E2F7: variants seen among roughly 807,000 people sequenced by gnomAD.
E2F7 encodes the protein transcription factor E2F7.
In E2F7, 35 loss-of-function variants were observed where a neutral mutation model predicts 81.1. The observed-to-expected ratio is 0.43, with a 90% CI of 0.33 to 0.57. The LOEUF (loss-of-function observed/expected upper bound fraction) is 0.57, where lower values mean the gene tolerates loss of function less well. Among genes scored for constraint, E2F7 ranks in the 20% least tolerant of loss-of-function variants. The pLI is 0.04. For synonymous variants in E2F7, 416 were observed against 416.2 expected (o/e 1.00, Z 0.01); for missense variants, 961 against 1,093.7 (o/e 0.88, Z 1.71).
intron 9 of E2F7, among the ~76,000 whole-genome samples, chr12:77,031,257 C>T (rs1447601489): frequency 6.6e-6 from 1 of 151,890 alleles, no homozygotes; most frequent in African/African-American, 2.4e-5. Flanking sequence ...AATGTTTGGG[C>T]CTTTTGTTTG....
chr12:77,030,467 C>T, intron 9 of E2F7, 135 bp from the exon 10 acceptor site: 1 of 1,107,310 alleles, frequency 9.0e-7, no homozygotes, highest in Non-Finnish European at 1.3e-6. Context: ...ACTTGCTGAG[C>T]ACGTGTTAGC....
In E2F7 at chr12:77,046,390, T is replaced by C. The variant is rs1592562423; in HGVS notation, c.539-62A>G. ...ACAAACATTTTTGAAGAGAAGTTCCTTGAGGGCCTGGACTATATCTGTGAA... is the reference window on the plus strand; with the variant it reads ...ACAAACATTTTTGAAGAGAAGTTCCCTGAGGGCCTGGACTATATCTGTGAA... On this transcript the variant is annotated intron_variant, in intron 4 of 12. Transcript: ENST00000322886. 1.3e-5 allele frequency: 20 copies of C among 1,546,458 alleles called. No homozygotes were observed. The East Asian group carries it at 1.8e-4, about 14-fold the overall frequency.
At position 77,043,191 on chromosome 12, in the gene E2F7, G is replaced by A. The variant is rs760841332; in HGVS notation, c.997C>T (p.Arg333Ter). Reference sequence around the variant, plus strand: ...ACATTGGCTATGTCATAGAGGCGTCGTACCTTTGCTTGAAGATATAAAACA... The same window carrying A: ...ACATTGGCTATGTCATAGAGGCGTCATACCTTTGCTTGAAGATATAAAACA... ...PDHSKFKTKV[R>*]RLYDIANVLT... The change falls in exon 7 of 13, where the codon CGA becomes TGA. Residue 333 changes from arginine to a stop codon, truncating the protein, a stop_gained. Coordinates refer to ENST00000322886, the MANE Select transcript of E2F7 (RefSeq NM_203394.3). LOFTEE classifies it high-confidence loss of function. 1 of 1,614,002 alleles carries A rather than the reference G, an allele frequency of 6.2e-7. No homozygotes were observed. The highest frequency in any genetic ancestry group is 1.3e-5 in the African/African-American group (1 of 75,006).
At chr12:77,055,239 A>AT (rs1465792773) in intron 3 of E2F7, among the ~76,000 whole-genome samples, 1 of 152,068 alleles carries the variant, frequency 6.6e-6, no homozygotes, top group African/African-American at 2.4e-5. Context: ...CATTTTGGCA[A>AT]TTTTTATAGC....
rs566695974 is a variant in E2F7, at chr12:77,025,683, G to A, written c.2440C>T (p.Pro814Ser). Reference protein sequence around the residue: ...PKSSTLPSADPQLQSQPSLNL... With the variant: ...PKSSTLPSADSQLQSQPSLNL... Reference sequence around the variant, plus strand: ...AGTGAGGGCTGACTCTGAAGCTGAGGGTCTGCAGAAGGGAGTGTGGACGAC... The same window carrying A: ...AGTGAGGGCTGACTCTGAAGCTGAGAGTCTGCAGAAGGGAGTGTGGACGAC... Residue 814 changes from proline (P) to serine (S), a missense_variant, in exon 12 of 13, where the codon CCT (proline) becomes TCT (serine). Around this residue, in one of 3 missense-constraint regions of E2F7, gnomAD observed 587 missense variants for 620.3 expected, o/e 0.95. Transcript: ENST00000322886. 2.1e-4 allele frequency: 332 copies of A among 1,614,176 alleles called. 3 individuals are homozygous for A. In the South Asian group the frequency reaches 3.5e-3, roughly 17 times the overall value.
intron 9 of E2F7, 103 bp downstream of exon 9, chr12:77,032,947 G>A (rs996267813): frequency 9.8e-7 from 1 of 1,023,016 alleles, no homozygotes; most frequent in Admixed American, 2.3e-5. Flanking sequence ...CAAATAAACG[G>A]CTGACCTAAA....
At chr12:77,026,422 T>G (rs1954760654) in intron 11 of E2F7, among the ~76,000 whole-genome samples, 1 of 152,012 alleles carries the variant, frequency 6.6e-6, no homozygotes, top group Non-Finnish European at 1.5e-5. Flanking sequence ...CCCATTTCAG[T>G]CTGCAGAGTA....
intron 7 of E2F7, among the ~76,000 whole-genome samples, chr12:77,041,731 C>T (rs924497180): frequency 4.6e-5 from 7 of 152,194 alleles, no homozygotes; most frequent in African/African-American, 1.4e-4. Flanking sequence ...TCTGTATCCT[C>T]TCTGAATGCC....
In E2F7 at chr12:77,028,158, GA is replaced by G; in HGVS notation, c.1885-21del. ...GGGTTTCTAAACACAACCAAACCAG[GA>G]AGCAAGAAAGTAAGTTAAAATTCCA... On this transcript the variant is annotated intron_variant, in intron 10 of 12. Coordinates refer to ENST00000322886, the MANE Select transcript of E2F7 (RefSeq NM_203394.3). 6.3e-7 allele frequency: 1 copy of G among 1,589,230 alleles called. No homozygotes were observed. Among genetic ancestry groups the G allele is most frequent in the Non-Finnish European group, 8.5e-7 (1 of 1,170,824 alleles).
At chr12:77,049,914 A>T (rs1954972436) in intron 4 of E2F7, among the ~76,000 whole-genome samples, 1 of 152,148 alleles carries the variant, frequency 6.6e-6, no homozygotes, top group South Asian at 2.1e-4. Context: ...TTATTTAACG[A>T]GTGTCAACAA....
chr12:77,054,940 C>A (rs571914721), intron 3 of E2F7, among the ~76,000 whole-genome samples: 3 of 152,192 alleles, frequency 2.0e-5, no homozygotes, highest in Non-Finnish European at 4.4e-5. Context: ...ACTCACCCAG[C>A]TAGTGATTTG....
intron 7 of E2F7, among the ~76,000 whole-genome samples, chr12:77,038,017 A>G (rs1273179766): frequency 6.6e-6 from 1 of 152,220 alleles, no homozygotes; most frequent in Non-Finnish European, 1.5e-5. Context: ...GAGACAAAGT[A>G]GATTTCAGAG....
intron 9 of E2F7, among the ~76,000 whole-genome samples, chr12:77,032,485 CAT>C (rs1954815283): frequency 1.3e-5 from 2 of 152,164 alleles, no homozygotes; most frequent in African/African-American, 2.4e-5. Context: ...TCTGGTGACA[CAT>C]GATTTCTTTC....
intron 10 of E2F7, among the ~76,000 whole-genome samples, 198 bp from the exon 11 acceptor site, chr12:77,028,336 G>A (rs1215328079): frequency 6.6e-6 from 1 of 151,946 alleles, no homozygotes; most frequent in East Asian, 1.9e-4. Flanking sequence ...GGGATTACAG[G>A]GGCATCCCCC....
chr12:77,058,233 T>C (rs777857151), intron 2 of E2F7, among the ~76,000 whole-genome samples: 1 of 152,190 alleles, frequency 6.6e-6, no homozygotes, highest in Non-Finnish European at 1.5e-5. Flanking sequence ...CTGATTACTA[T>C]GTGCCACGCT....
In E2F7 at chr12:77,050,750, G is replaced by C. The variant is rs1324029183; in HGVS notation, c.370-6C>G. The C allele has an allele frequency of 1.9e-6, 3 of 1,611,478 alleles. No homozygotes were observed. The highest frequency in any genetic ancestry group is 2.5e-6 in the Non-Finnish European group (3 of 1,178,596). ...CTGTCCCCAACAACATCAAGCTACA[G>C]AGGGCAGATAGAAGGGAGGGGGAAG... On this transcript the variant is annotated splice_polypyrimidine_tract_variant and splice_region_variant and intron_variant, in intron 3 of 12. Transcript: ENST00000322886.
rs780916181 is a variant in E2F7, at chr12:77,046,329, C to T, written c.539-1G>A. On this transcript the variant is annotated splice_acceptor_variant, in intron 4 of 12. Coordinates refer to ENST00000322886, the MANE Select transcript of E2F7 (RefSeq NM_203394.3). LOFTEE classifies it high-confidence loss of function. The stretch of plus-strand genomic sequence containing the variant: ...TCATAGATGCGTCTCCTTTCCACAC[C>T]TGTTTGAAAAACAGAGGCTGATGGA... The T allele has an allele frequency of 6.2e-7, 1 of 1,608,100 alleles. No individual in the cohort carries two copies. The highest frequency in any genetic ancestry group is 8.5e-7 in the Non-Finnish European group (1 of 1,176,436).
Position 77,029,909 on chromosome 12 carries a change from A to G in E2F7, c.1806T>C (p.Pro602=), listed in dbSNP as rs764110796. The stretch of plus-strand genomic sequence containing the variant: ...TAGTGGCTGGCTCATCCTCCTCCTG[A>G]GGTTTCCTCTCCTCACAGAGGCGCT... ...AQKRLCEERK[P]QEEDEPATKR... is the part of the protein sequence containing the mutation. The change falls in exon 10 of 13, where the codon CCT becomes CCC. Residue 602 remains proline (P), a synonymous_variant. Coordinates refer to ENST00000322886, the MANE Select transcript of E2F7 (RefSeq NM_203394.3). 5 of 1,614,050 alleles carry G rather than the reference A, an allele frequency of 3.1e-6. No homozygotes were observed. Among genetic ancestry groups the G allele is most frequent in the Non-Finnish European group, 4.2e-6 (5 of 1,180,046 alleles).
intron 12 of E2F7, among the ~76,000 whole-genome samples, chr12:77,024,633 T>C (rs945553581): frequency 2.6e-5 from 4 of 152,380 alleles, no homozygotes; most frequent in African/African-American, 9.6e-5. Context: ...ATTTATCCCC[T>C]AATGTTAAAT....
Sources: gnomAD v4.1 joint callset for allele counts (sites outside exome capture counted in the v4.1 genomes callset) on GRCh38, gnomAD v4.1.1 for gene constraint, gnomAD v4.1.1 regional missense constraint, MANE v1.5 for transcripts, NCBI Gene and HGNC (gene_info 2026-07-23, HGNC 2026-07-21) for gene names.